The following ADGRE1 variants were observed in gnomAD, a reference collection of about 807,000 sequenced individuals.
The protein encoded by ADGRE1 is EGF-like module receptor 1.
Under a neutral mutation model 102.7 loss-of-function variants are expected in ADGRE1, and 82 were observed. The observed-to-expected ratio is 0.80, with a 90% CI of 0.67 to 0.96. The LOEUF is 0.96. Ranked by LOEUF, ADGRE1 falls within the 40% of genes least tolerant of loss-of-function variation. The pLI, the probability that ADGRE1 is intolerant of heterozygous loss-of-function variation, is 0.00. For missense variants in ADGRE1, 1,032 were observed against 1,085.3 expected, an observed-to-expected ratio of 0.95 and a Z score of 0.69; for synonymous variants, 398 against 399.6, an observed-to-expected ratio of 1.00 and a Z score of 0.05.
At chr19:6,902,597 T>C (rs4807911) in intron 6 of ADGRE1, among the ~76,000 whole-genome samples, 52,668 of 151,526 alleles carry the variant, frequency 0.35, 10,323 homozygotes, top group African/African-American at 0.53. Context: ...TGTGGCACCA[T>C]GTCCAGCTAA....
Position 6,906,456 on chromosome 19 carries a change from G to A in ADGRE1, c.973G>A (p.Asp325Asn), listed in dbSNP as rs1274059090. 6.2e-7 allele frequency: 1 copy of A among 1,613,830 alleles called. No individual in the cohort carries two copies. The highest frequency in any genetic ancestry group is 1.1e-5 in the South Asian group (1 of 91,044). The change falls in exon 9 of 21, where the codon GAT becomes AAT. Residue 325 changes from aspartate (D) to asparagine (N), a missense_variant. Asp to Asn is a conservative substitution (Grantham distance 23, BLOSUM62 1). Coordinates refer to ENST00000312053, the MANE Select transcript of ADGRE1 (RefSeq NM_001974.5). Reference protein sequence around the residue: ...CQRVLFKCKEDVIPDNKQIQQ... With the variant: ...CQRVLFKCKENVIPDNKQIQQ... ...AGGGGTTCTCTTCAAATGTAAGGAA[G>A]ATGTGATACCCGATAATAAGCAGAT...
At chr19:6,932,285 G>A (rs148787967) in intron 17 of ADGRE1, among the ~76,000 whole-genome samples, 2,276 of 152,064 alleles carry the variant, frequency 0.015, 34 homozygotes, top group Middle Eastern at 0.034. Context: ...TGGCTAACAT[G>A]GTGAAACCCC....
intron 14 of ADGRE1, among the ~76,000 whole-genome samples, chr19:6,922,612 T>TCACACACACA (rs770150909): frequency 4.9e-5 from 6 of 123,156 alleles, no homozygotes; most frequent in East Asian, 2.5e-4. Context: ...AGACTCTGTC[T>TCACACACACA]CACACACACA....
chr19:6,910,381 C>T (rs575348937), intron 10 of ADGRE1, among the ~76,000 whole-genome samples: 32 of 152,040 alleles, frequency 2.1e-4, no homozygotes, highest in Non-Finnish European at 4.3e-4. Flanking sequence ...GGGTCCTGAG[C>T]GACTCATAAA....
intron 16 of ADGRE1, 101 bp from the exon 17 acceptor site, chr19:6,928,044 C>A: frequency 7.1e-7 from 1 of 1,407,256 alleles, no homozygotes; most frequent in Non-Finnish European, 9.6e-7. Context: ...CTGAGTCTCA[C>A]CTCCCAGTGT....
chr19:6,926,333 G>T, intron 15 of ADGRE1, 33 bp from the exon 16 acceptor site: 1 of 1,609,224 alleles, frequency 6.2e-7, no homozygotes, highest in South Asian at 1.1e-5. Flanking sequence ...CTCTGGGGTG[G>T]AGGATTCTGA....
Position 6,890,553 on chromosome 19 carries a change from C to T in ADGRE1, c.94+10C>T. On this transcript the variant is annotated intron_variant, in intron 2 of 20. Coordinates refer to ENST00000312053, the MANE Select transcript of ADGRE1 (RefSeq NM_001974.5). ...AAACCAAACACAAAGGGTAAGTTGG[C>T]CAGAGAGAATGCAGATGCCTGAAGG... 1 of 1,610,982 alleles carries T rather than the reference C, an allele frequency of 6.2e-7. No homozygotes were observed. The highest frequency in any genetic ancestry group is 8.5e-7 in the Non-Finnish European group (1 of 1,178,962).
In ADGRE1 at chr19:6,919,899, G is replaced by C. The variant is rs774930907; in HGVS notation, c.1620+152G>C. 1.8e-5 allele frequency: 13 copies of C among 712,590 alleles called. No individual in the cohort carries two copies. In the Admixed American group the frequency reaches 3.0e-4, roughly 16 times the overall value. The allele number at this position is 712,590 out of a possible 1,614,324, so 44.1% of individuals were successfully genotyped here. On this transcript the variant is annotated intron_variant, in intron 13 of 20. Transcript: ENST00000312053. ...TTCAAGCCAATTAACAGAAGCTACCGCTAGAGGAATGAGGTCTCCCACTGT... is the reference window on the plus strand; with the variant it reads ...TTCAAGCCAATTAACAGAAGCTACCCCTAGAGGAATGAGGTCTCCCACTGT...
At position 6,924,789 on chromosome 19, in the gene ADGRE1, A is replaced by T; in HGVS notation, c.1903A>T (p.Thr635Ser). 1 of 1,613,834 alleles carries T rather than the reference A, an allele frequency of 6.2e-7. No homozygotes were observed. Among genetic ancestry groups the T allele is most frequent in the South Asian group, 1.1e-5 (1 of 91,060 alleles). Residue 635 changes from threonine (T) to serine (S), a missense_variant, in exon 15 of 21, where the codon ACC (threonine) becomes TCC (serine). Coordinates refer to ENST00000312053, the MANE Select transcript of ADGRE1 (RefSeq NM_001974.5). Reference sequence around the variant, plus strand: ...GTGTCGCTCCATCCGAAATCACAACACCTACCTCCACCTGCACCTCTGCGT... The same window carrying T: ...GTGTCGCTCCATCCGAAATCACAACTCCTACCTCCACCTGCACCTCTGCGT... The part of the protein sequence containing the change: ...LLCRSIRNHN[T>S]YLHLHLCVCL...
In ADGRE1 at chr19:6,936,691, C is replaced by T. The variant is rs535323285; in HGVS notation, c.2382-552C>T. On this transcript the variant is annotated intron_variant, in intron 18 of 20. Coordinates refer to ENST00000312053, the MANE Select transcript of ADGRE1 (RefSeq NM_001974.5). ...AGGCTAGAGGGCATTGGCACGGTCT[C>T]GACTCACTGCAACCTCCGCCTCCCA... Among the ~76,000 whole-genome samples the T allele has an allele frequency of 4.0e-5, 6 of 150,842 alleles. No individual in the cohort carries two copies. The South Asian group carries it at 6.3e-4, about 16-fold the overall frequency.
intron 2 of ADGRE1, chr19:6,896,127 T>A (rs922734401): frequency 2.2e-5 from 8 of 360,130 alleles, no homozygotes; most frequent in East Asian, 4.7e-5. Flanking sequence ...TGTGCATGTC[T>A]GTGTGTCTCT....
At chr19:6,891,642 G>T (rs147396016) in intron 2 of ADGRE1, among the ~76,000 whole-genome samples, 3,836 of 152,024 alleles carry the variant, frequency 0.025, 169 homozygotes, top group African/African-American at 0.086. Context: ...TTTTAGTAGA[G>T]ACGGGGTTTC....
chr19:6,925,810 G>C (rs111471557), intron 15 of ADGRE1, among the ~76,000 whole-genome samples: 8,741 of 151,818 alleles, frequency 0.058, 434 homozygotes, highest in African/African-American at 0.13. Flanking sequence ...ATCCTCCCAC[G>C]TTTGCCTCCC....
chr19:6,909,563 CCTCCTT>C (rs1254458011), intron 10 of ADGRE1, among the ~76,000 whole-genome samples: 1 of 110,698 alleles, frequency 9.0e-6, no homozygotes, highest in Non-Finnish European at 2.2e-5. Flanking sequence ...TCCTCCTCCT[CCTCCTT>C]CTTCCTTCTT....
chr19:6,919,023 C>A (rs905519854), intron 12 of ADGRE1, among the ~76,000 whole-genome samples: 17 of 151,972 alleles, frequency 1.1e-4, no homozygotes, highest in South Asian at 2.1e-4. Flanking sequence ...CTCTGCCCAG[C>A]TGTGGAAGTT....
At chr19:6,890,659 C>A in intron 2 of ADGRE1, 116 bp downstream of exon 2, 1 of 1,074,058 alleles carries the variant, frequency 9.3e-7, no homozygotes, top group Non-Finnish European at 1.4e-6. Flanking sequence ...TAGTTAGCGG[C>A]AGAGCAAGGG....
chr19:6,892,158 C>T (rs1973402241), intron 2 of ADGRE1, among the ~76,000 whole-genome samples: 1 of 152,036 alleles, frequency 6.6e-6, no homozygotes, highest in Non-Finnish European at 1.5e-5. Context: ...GTTGCCTCTA[C>T]AGATGAAAGA....
intron 10 of ADGRE1, among the ~76,000 whole-genome samples, chr19:6,910,731 G>C (rs373450): frequency 0.63 from 95,259 of 151,288 alleles, 31,802 homozygotes; most frequent in Non-Finnish European, 0.75. Context: ...ACCACCAAGC[G>C]TGGGTAATAT....
intron 10 of ADGRE1, among the ~76,000 whole-genome samples, chr19:6,910,356 T>C (rs1358813531): frequency 1.3e-5 from 2 of 152,134 alleles, no homozygotes; most frequent in African/African-American, 2.4e-5. Flanking sequence ...ACAAATCTAA[T>C]AGGCAAAGTC....
Sources: gnomAD v4.1 joint callset for allele counts (sites outside exome capture counted in the v4.1 genomes callset) on GRCh38, gnomAD v4.1.1 for gene constraint, MANE v1.5 for transcripts, NCBI Gene and HGNC (gene_info 2026-07-23, HGNC 2026-07-21) for gene names.